CCDC13: variants seen among roughly 807,000 people sequenced by gnomAD.
CCDC13 encodes the protein coiled-coil domain-containing protein 13.
A neutral mutation model predicts 87.3 loss-of-function variants in CCDC13; 70 were observed. The observed-to-expected ratio is 0.80, with a 90% CI of 0.66 to 0.98. The LOEUF (loss-of-function observed/expected upper bound fraction) is 0.98. Ranked by LOEUF, CCDC13 falls within the 50% of genes least tolerant of loss-of-function variation. The pLI is 0.00. For missense variants in CCDC13, 842 were observed against 892.0 expected (o/e 0.94, Z 0.71); for synonymous variants, 317 against 360.3 (o/e 0.88, Z 1.36).
intron 1 of CCDC13, among the ~76,000 whole-genome samples, chr3:42,769,222 T>C (rs1332857063): frequency 3.3e-5 from 5 of 152,194 alleles, no homozygotes; most frequent in African/African-American, 1.2e-4. Context: ...AATAGACATA[T>C]GAAAAGATGT....
chr3:42,770,366 C>T (rs1174429155), intron 1 of CCDC13, among the ~76,000 whole-genome samples: 3 of 152,178 alleles, frequency 2.0e-5, no homozygotes, highest in African/African-American at 7.2e-5. Flanking sequence ...CTGTATCTAG[C>T]TCAAGGTTTG....
chr3:42,726,496 A>G (rs867073253), intron 13 of CCDC13, among the ~76,000 whole-genome samples: 1 of 152,244 alleles, frequency 6.6e-6, no homozygotes, highest in African/African-American at 2.4e-5. Flanking sequence ...TGTGGAGGAA[A>G]GAATAAGTCT....
At chr3:42,747,040 T>G (rs1575316993) in intron 6 of CCDC13, 1 of 647,388 alleles carries the variant, frequency 1.5e-6, no homozygotes, top group Admixed American at 2.1e-5. Flanking sequence ...GGGGTGGGGG[T>G]GGCAGGCTCA....
In CCDC13 at chr3:42,708,792, G is replaced by T; in HGVS notation, c.*188C>A. On this transcript the variant is annotated 3_prime_UTR_variant, in exon 16 of 16. Coordinates refer to ENST00000310232, the MANE Select transcript of CCDC13 (RefSeq NM_144719.4). ...AGGGTCTCCTGCAGTGTCCCACCAGGGCTTCTCTTCTGCCTTCCTGGCCTG... is the reference window on the plus strand; with the variant it reads ...AGGGTCTCCTGCAGTGTCCCACCAGTGCTTCTCTTCTGCCTTCCTGGCCTG... 3.5e-6 allele frequency: 2 copies of T among 569,570 alleles called. No individual in the cohort carries two copies. Among genetic ancestry groups the T allele is most frequent in the Non-Finnish European group, 5.8e-6 (2 of 341,896 alleles). 35.3% of individuals were successfully genotyped at this position (569,570 alleles called of 1,614,324 possible).
chr3:42,748,876 C>T (rs1308106580), intron 5 of CCDC13, among the ~76,000 whole-genome samples: 2 of 152,162 alleles, frequency 1.3e-5, no homozygotes, highest in Admixed American at 6.5e-5. Context: ...CTGCCTCAGC[C>T]TCCCGAGTAG....
rs551854686 is a variant in CCDC13, at chr3:42,764,306, A to C, written c.-6-5955T>G. On this transcript the variant is annotated intron_variant, in intron 1 of 15. Transcript: ENST00000310232. ...CCATCAAGGCCTGAACTGGTCTTTC[A>C]GGTTAACTTTGGAGTGCCCTGGCTG... Among the ~76,000 whole-genome samples the C allele has an allele frequency of 2.0e-5, 3 of 152,296 alleles. No homozygotes were observed. The South Asian group carries it at 6.2e-4, about 32-fold the overall frequency.
rs769432338 is a variant in CCDC13, at chr3:42,735,915, TG to T, written c.1165-3del. Reference sequence around the variant, plus strand: ...CTCCTGTAGCTGCTTCAGCTGGTCCTGGGGGGCCAGGCAGGAGGGCAGGTGG... The same window carrying T: ...CTCCTGTAGCTGCTTCAGCTGGTCCTGGGGGCCAGGCAGGAGGGCAGGTGG... On this transcript the variant is annotated splice_polypyrimidine_tract_variant and splice_region_variant and intron_variant, in intron 9 of 15. Transcript: ENST00000310232. 17 of 1,612,304 alleles carry T rather than the reference TG, an allele frequency of 1.1e-5. No homozygotes were observed. The South Asian group carries it at 1.7e-4, about 16-fold the overall frequency.
At chr3:42,725,516 AGAGT>A (rs1698665873) in intron 13 of CCDC13, among the ~76,000 whole-genome samples, 1 of 118,958 alleles carries the variant, frequency 8.4e-6, no homozygotes, top group African/African-American at 3.2e-5. Flanking sequence ...CCTGGGTGAC[AGAGT>A]GAGACCCTGT....
At chr3:42,741,516 C>A (rs1699216621) in intron 8 of CCDC13, among the ~76,000 whole-genome samples, 1 of 152,146 alleles carries the variant, frequency 6.6e-6, no homozygotes, top group Admixed American at 6.5e-5. Flanking sequence ...GCAGGTGGAT[C>A]ACCTGACGTT....
chr3:42,715,308 T>C (rs1698404908), intron 13 of CCDC13, among the ~76,000 whole-genome samples: 1 of 64,844 alleles, frequency 1.5e-5, no homozygotes, highest in South Asian at 8.5e-4. Context: ...AAACTCTGTC[T>C]CAAAAAAAAA....
At chr3:42,738,614 A>C (rs1412508909) in intron 9 of CCDC13, among the ~76,000 whole-genome samples, 1 of 152,196 alleles carries the variant, frequency 6.6e-6, no homozygotes, top group East Asian at 1.9e-4. Flanking sequence ...TTCTTCTTGA[A>C]GAGGTTCTTC....
At chr3:42,772,308 A>G (rs1700143018) in intron 1 of CCDC13, among the ~76,000 whole-genome samples, 1 of 151,540 alleles carries the variant, frequency 6.6e-6, no homozygotes, top group Non-Finnish European at 1.5e-5. Context: ...TAAAAAAAAT[A>G]AAGTAAAGGC....
At chr3:42,724,418 GC>G (rs1315433906) in intron 13 of CCDC13, among the ~76,000 whole-genome samples, 1 of 152,020 alleles carries the variant, frequency 6.6e-6, no homozygotes, top group Non-Finnish European at 1.5e-5. Flanking sequence ...CTCTGTCCTC[GC>G]CCCCTCTCCA....
intron 13 of CCDC13, among the ~76,000 whole-genome samples, chr3:42,722,630 C>G (rs1209062437): frequency 6.6e-6 from 1 of 152,078 alleles, no homozygotes; most frequent in Non-Finnish European, 1.5e-5. Flanking sequence ...TTTACAGATG[C>G]CATGGCAACA....
rs542380528 is a variant in CCDC13 at position 42,748,777 on chromosome 3, A to T, written c.604-1404T>A. On this transcript the variant is annotated intron_variant, in intron 5 of 15. Transcript: ENST00000310232. ...ACCATCAGGCTAAAGAGAACAGCCA[A>T]CGTGAACAGAATGTGCCAACTCGGA... Among the ~76,000 whole-genome samples the T allele has an allele frequency of 2.6e-5, 4 of 152,316 alleles. No individual in the cohort carries two copies. The South Asian group carries it at 8.3e-4, about 32-fold the overall frequency.
At chr3:42,735,625 G>T in intron 10 of CCDC13, 82 bp downstream of exon 10, 1 of 1,442,774 alleles carries the variant, frequency 6.9e-7, no homozygotes. Context: ...CCTGAGCTAA[G>T]GCAAGTGGAA....
chr3:42,743,120 T>C, intron 7 of CCDC13, 63 bp from the exon 8 acceptor site: 1 of 1,581,934 alleles, frequency 6.3e-7, no homozygotes, highest in Non-Finnish European at 8.6e-7. Context: ...TACTCAGAAG[T>C]GTGATAGGAG....
chr3:42,747,018 A>AT (rs1699419257), intron 6 of CCDC13: 2 of 617,982 alleles, frequency 3.2e-6, no homozygotes, highest in African/African-American at 3.6e-5. Flanking sequence ...CCACAAGGGC[A>AT]GGTATGCTGC....
intron 11 of CCDC13, 77 bp from the exon 12 acceptor site, chr3:42,733,047 G>T: frequency 8.2e-7 from 1 of 1,215,698 alleles, no homozygotes; most frequent in Non-Finnish European, 1.2e-6. Context: ...TGCATGTGAG[G>T]TGGAGCAGTG....
Sources: allele counts gnomAD v4.1 joint callset (sites outside exome capture counted in the v4.1 genomes callset), GRCh38; gene constraint gnomAD v4.1.1; transcripts MANE v1.5; gene names NCBI Gene and HGNC (gene_info 2026-07-23, HGNC 2026-07-21).